The following ARMC9 variants were observed in gnomAD, a reference collection of about 807,000 sequenced individuals.
ARMC9 encodes the protein lisH domain-containing protein ARMC9.
Under a neutral mutation model 107.0 loss-of-function variants are expected in ARMC9, and 94 were observed. The observed-to-expected ratio is 0.88, with a 90% CI of 0.74 to 1.04. The LOEUF is 1.04. ARMC9 is among the 50% of genes least tolerant of loss of function. The pLI is 0.00. For synonymous variants in ARMC9, 380 were observed against 396.9 expected (o/e 0.96, Z 0.51); for missense variants, 942 against 1,030.1 (o/e 0.91, Z 1.17).
In ARMC9 at chr2:231,208,124, T is replaced by C. The variant is rs2032299412; in HGVS notation, c.52-3T>C. Reference sequence around the variant, plus strand: ...GTTGAATTGAATTATTTATTTTTTATAGTATTTAGATTTTGCTGAATTTGA... The same window carrying C: ...GTTGAATTGAATTATTTATTTTTTACAGTATTTAGATTTTGCTGAATTTGA... On this transcript the variant is annotated splice_region_variant and splice_polypyrimidine_tract_variant and intron_variant, in intron 2 of 24. Transcript: ENST00000611582. 8.1e-6 allele frequency: 10 copies of C among 1,227,816 alleles called. No homozygotes were observed. The highest frequency in any genetic ancestry group is 1.2e-5 in the Non-Finnish European group (10 of 854,076). 76.1% of individuals were successfully genotyped at this position (1,227,816 alleles called of 1,614,324 possible). A position where few individuals can be genotyped will look rare whatever the true frequency, so the allele number is the denominator to read the frequency against.
chr2:231,253,805 G>C (rs2037512850), intron 9 of ARMC9, among the ~76,000 whole-genome samples: 1 of 152,220 alleles, frequency 6.6e-6, no homozygotes, highest in South Asian at 2.1e-4. Flanking sequence ...GGTAGGAAAG[G>C]GGTGGTTTAT....
rs887821210 is a variant in ARMC9, at chr2:231,235,385, A to T, written c.780+4A>T. The stretch of plus-strand genomic sequence containing the variant: ...GGCCACAGTCAGCGGCAAGATGGTA[A>T]GGAAGATCCCTAATTGTGTGTATGT... On this transcript the variant is annotated splice_donor_region_variant and intron_variant, in intron 8 of 24. Transcript: ENST00000611582. 40 of 1,614,002 alleles carry T rather than the reference A, an allele frequency of 2.5e-5. 1 individual carries two copies. Among genetic ancestry groups the T allele is most frequent in the Non-Finnish European group, 3.2e-5 (38 of 1,179,988 alleles).
intron 17 of ARMC9, among the ~76,000 whole-genome samples, chr2:231,287,495 T>G (rs114964192): frequency 0.017 from 2,620 of 152,318 alleles, 74 homozygotes; most frequent in African/African-American, 0.061. Context: ...GTGGTCAGCC[T>G]AGTCACTGTA....
At chr2:231,215,429 C>G (rs1314199346) in intron 4 of ARMC9, 1 of 156,946 alleles carries the variant, frequency 6.4e-6, no homozygotes, top group African/African-American at 2.4e-5. Context: ...CTCAAACAGT[C>G]GTCTCACCTT....
intron 17 of ARMC9, among the ~76,000 whole-genome samples, chr2:231,289,338 A>G (rs965015444): frequency 2.0e-5 from 3 of 152,112 alleles, no homozygotes; most frequent in Non-Finnish European, 4.4e-5. Context: ...ATGGTGGCAC[A>G]TGCCTGTAGT....
chr2:231,294,131 GT>G (rs1228859191), intron 18 of ARMC9: 1 of 152,370 alleles, frequency 6.6e-6, no homozygotes, highest in East Asian at 1.9e-4. Context: ...TTCCAGTAAA[GT>G]TTTAAGGTCT....
At chr2:231,277,594 T>C (rs1158085220) in intron 15 of ARMC9, among the ~76,000 whole-genome samples, 1 of 147,630 alleles carries the variant, frequency 6.8e-6, no homozygotes, top group African/African-American at 2.5e-5. Context: ...GAAGTCACGC[T>C]CCATTGCCCA....
chr2:231,280,308 A>G (rs1414948681), intron 16 of ARMC9, among the ~76,000 whole-genome samples: 1 of 152,120 alleles, frequency 6.6e-6, no homozygotes, highest in Admixed American at 6.5e-5. Flanking sequence ...AAATACAAAA[A>G]TTAGCCAGGC....
At chr2:231,365,448 GCAT>G (rs2045777155) in intron 23 of ARMC9, among the ~76,000 whole-genome samples, 2 of 152,154 alleles carry the variant, frequency 1.3e-5, no homozygotes, top group African/African-American at 4.8e-5. Flanking sequence ...CGGCTGCTAA[GCAT>G]CACCCAGCAG....
intron 17 of ARMC9, among the ~76,000 whole-genome samples, chr2:231,282,962 GAA>G (rs1287746705): frequency 2.6e-5 from 4 of 152,054 alleles, no homozygotes; most frequent in Non-Finnish European, 5.9e-5. Context: ...CCAAGGCAAA[GAA>G]GAGGAAAAAA....
In ARMC9 at chr2:231,231,247, G is replaced by A. The variant is rs549820718; in HGVS notation, c.623-3977G>A. 5.9e-5 allele frequency among the ~76,000 whole-genome samples: 9 copies of A among 152,256 alleles called. No homozygotes were observed. In the South Asian group the frequency reaches 1.4e-3, roughly 25 times the overall value. ...TGATTCATCATGTACCACTTGGTCC[G>A]TGTTGAGAAAGTTTGCATAGATGTT... On this transcript the variant is annotated intron_variant, in intron 7 of 24. Transcript: ENST00000611582.
intron 1 of ARMC9, among the ~76,000 whole-genome samples, chr2:231,200,958 G>A (rs138978852): frequency 6.6e-6 from 1 of 152,206 alleles, no homozygotes; most frequent in Non-Finnish European, 1.5e-5. Flanking sequence ...TGCCTGGGGG[G>A]GCAGAGCATA....
At chr2:231,333,287 G>C (rs1344501375) in intron 20 of ARMC9, among the ~76,000 whole-genome samples, 1 of 152,234 alleles carries the variant, frequency 6.6e-6, no homozygotes, top group Non-Finnish European at 1.5e-5. Context: ...GCCACTGGAG[G>C]TGAGAGCAAG....
At chr2:231,216,032 C>G (rs2033465019) in intron 4 of ARMC9, among the ~76,000 whole-genome samples, 1 of 152,172 alleles carries the variant, frequency 6.6e-6, no homozygotes, top group South Asian at 2.1e-4. Context: ...CCACATTCAC[C>G]TCCTCTGGTT....
At chr2:231,312,258 T>C (rs1233498962) in intron 19 of ARMC9, among the ~76,000 whole-genome samples, 3 of 152,150 alleles carry the variant, frequency 2.0e-5, no homozygotes, top group African/African-American at 7.2e-5. Context: ...GCCACGTGAC[T>C]TCACTCCTCC....
chr2:231,241,478 CTGTGAAGCCA>C (rs2036297578), intron 9 of ARMC9, among the ~76,000 whole-genome samples: 1 of 152,044 alleles, frequency 6.6e-6, no homozygotes, highest in Admixed American at 6.6e-5. Flanking sequence ...GGGTGAAGCC[CTGTGAAGCCA>C]GCTGTATAGA....
chr2:231,251,361 T>A (rs1386272613), intron 9 of ARMC9, among the ~76,000 whole-genome samples: 1 of 151,816 alleles, frequency 6.6e-6, no homozygotes, highest in African/African-American at 2.4e-5. Flanking sequence ...GAGATGGGGT[T>A]TCACCATATT....
At position 231,369,598 on chromosome 2, in the gene ARMC9, C is replaced by CTT. The variant is rs71982424; in HGVS notation, c.2262-341_2262-340dup. ...GTGAGCCACCATGCTCAGCCAGTTTCTTTTTTTTTTTTTTTGAGACAGAAT... is the reference window on the plus strand; with the variant it reads ...GTGAGCCACCATGCTCAGCCAGTTTCTTTTTTTTTTTTTTTTTGAGACAGAAT... On this transcript the variant is annotated intron_variant, in intron 23 of 24. Transcript: ENST00000611582. 5.5e-5 allele frequency among the ~76,000 whole-genome samples: 7 copies of CTT among 128,260 alleles called. No homozygotes were observed. In the East Asian group the frequency reaches 9.5e-4, roughly 17 times the overall value. The allele number at this position is 128,260 out of a possible 152,430, so 84.1% of individuals were successfully genotyped here. A position where few individuals can be genotyped will look rare whatever the true frequency, so the allele number is the denominator to read the frequency against.
At chr2:231,264,019 G>A (rs764078659) in intron 12 of ARMC9, among the ~76,000 whole-genome samples, 27 of 152,030 alleles carry the variant, frequency 1.8e-4, no homozygotes, top group Non-Finnish European at 3.8e-4. Flanking sequence ...ATTGGCAGGG[G>A]TTTTTTTCTT....
Sources: gnomAD v4.1 joint callset for allele counts (sites outside exome capture counted in the v4.1 genomes callset) on GRCh38, gnomAD v4.1.1 for gene constraint, MANE v1.5 for transcripts, NCBI Gene and HGNC (gene_info 2026-07-23, HGNC 2026-07-21) for gene names.